The following HS3ST1 variants were observed in gnomAD, a reference collection of about 807,000 sequenced individuals.
HS3ST1 encodes heparan sulfate-glucosamine 3-sulfotransferase 1.
Under a neutral mutation model 20.7 loss-of-function variants are expected in HS3ST1, and 8 were observed. The ratio of observed to expected loss-of-function variants is 0.39; its 90% CI spans 0.23 to 0.70. The LOEUF is 0.70. Among genes scored for constraint, HS3ST1 ranks in the 30% least tolerant of loss-of-function variants. HS3ST1 has a pLI of 0.46. For synonymous variants in HS3ST1, 205 were observed against 190.4 expected, an observed-to-expected ratio of 1.08 and a Z score of -0.63; for missense variants, 436 against 423.4, an observed-to-expected ratio of 1.03 and a Z score of -0.26.
At chr4:11,417,290 G>C (rs533200488) in intron 1 of HS3ST1, among the ~76,000 whole-genome samples, 17 of 152,140 alleles carry the variant, frequency 1.1e-4, no homozygotes, top group Admixed American at 1.1e-3. Flanking sequence ...AATGGAGGGC[G>C]TTATGTTCCA....
intron 1 of HS3ST1, among the ~76,000 whole-genome samples, chr4:11,420,043 G>A (rs556893503): frequency 9.2e-5 from 14 of 152,350 alleles, no homozygotes; most frequent in South Asian, 4.1e-4. Context: ...TCTCTGGCTG[G>A]TTAAGCCTTC....
At chr4:11,406,039 C>T (rs1454016210) in intron 1 of HS3ST1, among the ~76,000 whole-genome samples, 1 of 152,216 alleles carries the variant, frequency 6.6e-6, no homozygotes, top group Non-Finnish European at 1.5e-5. Context: ...TGGTGACACA[C>T]TGTCACAGGC....
At position 11,404,055 on chromosome 4, in the gene HS3ST1, TC is replaced by T. The variant is rs1718399454; in HGVS notation, c.-108-3943del. On this transcript the variant is annotated intron_variant, in intron 1 of 1. Transcript: ENST00000002596. Reference sequence around the variant, plus strand: ...TAACCTATAATCACTATATAATTTTTCTTTTTTGAGACAGAGTCTTCCTCTG... The same window carrying T: ...TAACCTATAATCACTATATAATTTTTTTTTTTGAGACAGAGTCTTCCTCTG... 7.2e-5 allele frequency among the ~76,000 whole-genome samples: 11 copies of T among 152,318 alleles called. 1 individual carries two copies. In the South Asian group the frequency reaches 1.9e-3, roughly 26 times the overall value.
chr4:11,427,664 C>G (rs902895061), intron 1 of HS3ST1, among the ~76,000 whole-genome samples: 3 of 152,176 alleles, frequency 2.0e-5, no homozygotes, highest in African/African-American at 7.2e-5. Flanking sequence ...AACCCTTGGC[C>G]CAAGAGAGCG....
chr4:11,400,066 G>T lies in HS3ST1; in HGVS notation c.-61C>A. ...CGCTGGGTCATGAAGTGCCGCAGCA[G>T]GGAAGCCTCCTAGTCAGTGGCACAT... On this transcript the variant is annotated 5_prime_UTR_variant, in exon 2 of 2. In the 5' UTR this introduces an upstream ATG that the reference lacks. Transcript: ENST00000002596. 1 of 1,437,216 alleles carries T rather than the reference G, an allele frequency of 7.0e-7. No individual in the cohort carries two copies. Among genetic ancestry groups the T allele is most frequent in the South Asian group, 1.5e-5 (1 of 67,902 alleles). The allele number at this position is 1,437,216 out of a possible 1,614,324, so 89.0% of individuals were successfully genotyped here.
At chr4:11,409,765 G>A (rs982667964) in intron 1 of HS3ST1, among the ~76,000 whole-genome samples, 17 of 152,216 alleles carry the variant, frequency 1.1e-4, no homozygotes, top group Non-Finnish European at 2.1e-4. Flanking sequence ...CCTCCACTGT[G>A]TGTATTTCCA....
Position 11,424,038 on chromosome 4 carries a change from A to G in HS3ST1, c.-109+4661T>C, listed in dbSNP as rs1192656755. On this transcript the variant is annotated intron_variant, in intron 1 of 1. Coordinates refer to ENST00000002596, the MANE Select transcript of HS3ST1 (RefSeq NM_005114.4). ...AACTGTGAATTGACAGTCTATCTTG[A>G]AAAAAAAAAAAAAAAAAAAACATAA... Among the ~76,000 whole-genome samples, 7 of 37,326 alleles carry G rather than the reference A, an allele frequency of 1.9e-4. No individual in the cohort carries two copies. In the African/African-American group the frequency reaches 2.2e-3, roughly 12 times the overall value. The allele number at this position is 37,326 out of a possible 152,430, so 24.5% of individuals were successfully genotyped here.
chr4:11,426,368 C>CT (rs1553858484), intron 1 of HS3ST1, among the ~76,000 whole-genome samples: 2 of 151,402 alleles, frequency 1.3e-5, no homozygotes, highest in African/African-American at 2.4e-5. Flanking sequence ...CAGAGGCCCC[C>CT]CCCCCAACCC....
chr4:11,421,871 G>T (rs559865545), intron 1 of HS3ST1, among the ~76,000 whole-genome samples: 1 of 152,304 alleles, frequency 6.6e-6, no homozygotes, highest in Non-Finnish European at 1.5e-5. Flanking sequence ...TTTACTCTGG[G>T]CATCTCTAAG....
rs1331806592 is a variant in HS3ST1 at position 11,395,261 on chromosome 4, A to G, written c.*3821T>C. On this transcript the variant is annotated 3_prime_UTR_variant, in exon 2 of 2. Coordinates refer to ENST00000002596, the MANE Select transcript of HS3ST1 (RefSeq NM_005114.4). ...CACAAGTTAAGTGACCTGCCCTGAC[A>G]TGCGACCTCTGGGAAGATTCTCTAT... The G allele has an allele frequency of 2.0e-5, 3 of 152,082 alleles. No individual in the cohort carries two copies. The highest frequency in any genetic ancestry group is 2.0e-4 in the Admixed American group (3 of 15,270). 9.4% of individuals were successfully genotyped at this position (152,082 alleles called of 1,614,324 possible).
chr4:11,406,874 A>G (rs1718480042), intron 1 of HS3ST1, among the ~76,000 whole-genome samples: 4 of 151,834 alleles, frequency 2.6e-5, no homozygotes, highest in Admixed American at 2.6e-4. Flanking sequence ...TTTTTAATCT[A>G]CCAAACTTCT....
At position 11,396,576 on chromosome 4, in the gene HS3ST1, C is replaced by T. The variant is rs1453273111; in HGVS notation, c.*2506G>A. On this transcript the variant is annotated 3_prime_UTR_variant, in exon 2 of 2. Coordinates refer to ENST00000002596, the MANE Select transcript of HS3ST1 (RefSeq NM_005114.4). ...CCCTGTAAGGACAGCCCAGGGTCTACTACAGGGCCTCCTTTGAATTTGACA... is the reference window on the plus strand; with the variant it reads ...CCCTGTAAGGACAGCCCAGGGTCTATTACAGGGCCTCCTTTGAATTTGACA... 1 of 152,272 alleles carries T rather than the reference C, an allele frequency of 6.6e-6. No individual in the cohort carries two copies. The highest frequency in any genetic ancestry group is 1.5e-5 in the Non-Finnish European group (1 of 68,116). 9.4% of individuals were successfully genotyped at this position (152,272 alleles called of 1,614,324 possible). A position where few individuals can be genotyped will look rare whatever the true frequency, so the allele number is the denominator to read the frequency against.
chr4:11,434,113 GC>G (rs902006270), upstream of HS3ST1, among the ~76,000 whole-genome samples: 10 of 152,250 alleles, frequency 6.6e-5, no homozygotes, highest in Non-Finnish European at 1.5e-4. Context: ...TAGCACTAAT[GC>G]CACAAGAAGT....
rs745784456 is a variant in HS3ST1, at chr4:11,399,274, C to T, written c.732G>A (p.Ser244=). ...FLKLSPQINA[S]NFYFNKTKGF... ...CCTTGGTTTTGTTAAAGTAGAAGTT[C>T]GAAGCATTGATCTGCGGCGACAGCT... Residue 244 remains serine (S), a synonymous_variant, in exon 2 of 2, where the codon TCG becomes TCA. Transcript: ENST00000002596. The surrounding 1 kb of genome is among the most constrained non-coding windows in gnomAD (Gnocchi z 5.1). 5.6e-6 allele frequency: 9 copies of T among 1,613,986 alleles called. No individual in the cohort carries two copies. Among genetic ancestry groups the T allele is most frequent in the Non-Finnish European group, 7.6e-6 (9 of 1,180,024 alleles).
At chr4:11,412,157 T>G (rs947944842) in intron 1 of HS3ST1, among the ~76,000 whole-genome samples, 3 of 152,156 alleles carry the variant, frequency 2.0e-5, no homozygotes, top group African/African-American at 4.8e-5. Context: ...CCACAAAGTC[T>G]TCTTTGCTCG....
At chr4:11,433,658 G>T (rs187227518), upstream of HS3ST1, among the ~76,000 whole-genome samples, 1 of 151,846 alleles carries the variant, frequency 6.6e-6, no homozygotes, top group Admixed American at 6.5e-5. Flanking sequence ...AGGATACTGG[G>T]AACCTCACAC....
At chr4:11,418,222 G>GGACT (rs1300385723) in intron 1 of HS3ST1, among the ~76,000 whole-genome samples, 1 of 152,154 alleles carries the variant, frequency 6.6e-6, no homozygotes, top group Non-Finnish European at 1.5e-5. Flanking sequence ...AGGCAGAGGT[G>GGACT]GACTGGAAGG....
chr4:11,411,261 TG>T (rs1457884087), intron 1 of HS3ST1, among the ~76,000 whole-genome samples: 1 of 152,208 alleles, frequency 6.6e-6, no homozygotes, highest in Non-Finnish European at 1.5e-5. Context: ...ATGAGTAGTA[TG>T]CCCTAGTGGG....
rs530895390 is a variant in HS3ST1 at position 11,422,355 on chromosome 4, C to T, written c.-109+6344G>A. ...GAAACTGGAGCAAACAGACACTGCC[C>T]CTGCTCTCCTGGAGCACATATTCTG... On this transcript the variant is annotated intron_variant, in intron 1 of 1. Transcript: ENST00000002596. 7.9e-5 allele frequency among the ~76,000 whole-genome samples: 12 copies of T among 152,264 alleles called. No homozygotes were observed. The East Asian group carries it at 2.3e-3, about 29-fold the overall frequency.
Sources: allele counts gnomAD v4.1 joint callset (sites outside exome capture counted in the v4.1 genomes callset), GRCh38; gene constraint gnomAD v4.1.1; non-coding constraint Gnocchi (gnomAD v3.1); transcripts MANE v1.5; gene names NCBI Gene and HGNC (gene_info 2026-07-23, HGNC 2026-07-21).